SHISA6: variants seen among roughly 807,000 people sequenced by gnomAD.
The protein encoded by SHISA6 is protein shisa-6.
In SHISA6, 22 loss-of-function variants were observed where a neutral mutation model predicts 47.9. The ratio of observed to expected loss-of-function variants is 0.46; its 90% CI spans 0.33 to 0.66. The LOEUF (loss-of-function observed/expected upper bound fraction) is 0.66. SHISA6 is among the 30% of genes least tolerant of loss of function. The pLI is 0.02. For missense variants in SHISA6, 680 were observed against 764.6 expected (o/e 0.89, Z 1.30); for synonymous variants, 388 against 337.8 (o/e 1.15, Z -1.63).
chr17:11,542,948 T>A (rs140017112), intron 3 of SHISA6, among the ~76,000 whole-genome samples: 1 of 152,264 alleles, frequency 6.6e-6, no homozygotes, highest in African/African-American at 2.4e-5. Context: ...GTATGAGCAC[T>A]CTTCCTACTC....
intron 2 of SHISA6, among the ~76,000 whole-genome samples, chr17:11,322,611 TA>T (rs1321204964): frequency 6.6e-6 from 1 of 152,170 alleles, no homozygotes; most frequent in East Asian, 1.9e-4. Context: ...CCTATTTAGT[TA>T]TACTAGAATC....
chr17:11,463,171 T>C (rs771459745), intron 3 of SHISA6, among the ~76,000 whole-genome samples: 5 of 152,218 alleles, frequency 3.3e-5, no homozygotes, highest in Admixed American at 1.3e-4. Context: ...CAACAGGTCA[T>C]CTAAGCTCCG....
rs1469273228 is a variant in SHISA6, at chr17:11,500,954, G to A, written c.896-50942G>A. 1.8e-4 allele frequency among the ~76,000 whole-genome samples: 28 copies of A among 152,146 alleles called. 1 individual carries two copies. The highest frequency in any genetic ancestry group is 1.8e-3 in the Admixed American group (28 of 15,270). ...AGGACCCCATTCAGTCTTTACAAGT[G>A]CTGTAAGTGGTGTCATGAGTCCCTT... is the stretch of plus-strand genomic sequence containing the variant. On this transcript the variant is annotated intron_variant, in intron 3 of 5. Coordinates refer to ENST00000441885, the MANE Select transcript of SHISA6 (RefSeq NM_207386.4).
chr17:11,526,876 TC>T (rs2071686526), intron 3 of SHISA6, among the ~76,000 whole-genome samples: 2 of 117,302 alleles, frequency 1.7e-5, no homozygotes, highest in Non-Finnish European at 3.5e-5. Flanking sequence ...AAGCTATCTA[TC>T]ATCATATATA....
chr17:11,265,065 T>A (rs1345965399), intron 2 of SHISA6, among the ~76,000 whole-genome samples: 1 of 152,186 alleles, frequency 6.6e-6, no homozygotes, highest in Non-Finnish European at 1.5e-5. Flanking sequence ...ATAGAAGGAA[T>A]CTTGGCAAAA....
chr17:11,283,232 T>G (rs946005336), intron 2 of SHISA6, among the ~76,000 whole-genome samples: 1 of 152,376 alleles, frequency 6.6e-6, no homozygotes, highest in Non-Finnish European at 1.5e-5. Flanking sequence ...CAACTATATA[T>G]GTACATAGTT....
rs1343603041 is a variant in SHISA6 at position 11,543,911 on chromosome 17, A to T, written c.896-7985A>T. 7.1e-5 allele frequency among the ~76,000 whole-genome samples: 3 copies of T among 42,142 alleles called. No individual in the cohort carries two copies. In the African/African-American group the frequency reaches 7.6e-4, roughly 11 times the overall value. The allele number at this position is 42,142 out of a possible 152,430, so 27.6% of individuals were successfully genotyped here. On this transcript the variant is annotated intron_variant, in intron 3 of 5. Transcript: ENST00000441885. ...CTAGAGCAATTGGATATTTATAAGC[A>T]AAAAAAAAAAAAAAACAAAAAAAAG... is the stretch of plus-strand genomic sequence containing the variant.
intron 3 of SHISA6, among the ~76,000 whole-genome samples, chr17:11,542,122 G>T (rs1288902468): frequency 6.6e-6 from 1 of 152,064 alleles, no homozygotes; most frequent in East Asian, 1.9e-4. Context: ...CCCGCTGATC[G>T]GTCAGCACAG....
intron 3 of SHISA6, among the ~76,000 whole-genome samples, chr17:11,550,960 GC>G (rs2071927379): frequency 1.3e-5 from 2 of 152,224 alleles, no homozygotes; most frequent in South Asian, 4.1e-4. Context: ...AGGAAAGAAG[GC>G]TTCAGTCACA....
In SHISA6 at chr17:11,241,348, G is replaced by T; in HGVS notation, c.-75G>T. ...CGCCTCCAGCCCGGCCCGCGCGGCG[G>T]GTCCTCCGAGCCCGGCCCGCCGGGG... On this transcript the variant is annotated 5_prime_UTR_variant, in exon 1 of 6. Coordinates refer to ENST00000441885, the MANE Select transcript of SHISA6 (RefSeq NM_207386.4). The surrounding 1 kb of genome is among the most constrained non-coding windows in gnomAD (Gnocchi z 5.5). 4.3e-6 allele frequency: 4 copies of T among 923,110 alleles called. No homozygotes were observed. Among genetic ancestry groups the T allele is most frequent in the Non-Finnish European group, 5.2e-6 (4 of 770,656 alleles). The allele number at this position is 923,110 out of a possible 1,614,324, so 57.2% of individuals were successfully genotyped here.
intron 3 of SHISA6, among the ~76,000 whole-genome samples, chr17:11,409,659 G>A (rs558338510): frequency 1.1e-4 from 16 of 148,518 alleles, no homozygotes; most frequent in South Asian, 2.1e-4. Flanking sequence ...AGCCGAGATC[G>A]TGCCATCGCA....
rs1911792336 is a variant in SHISA6 at position 11,349,230 on chromosome 17, A to G, written c.800-30184A>G. On this transcript the variant is annotated intron_variant, in intron 2 of 5. Transcript: ENST00000441885. ...TTCCATTTCGCCATTGTTTCTGCCC[A>G]TCATGGATCCACAACAAAAGAGGGC... Among the ~76,000 whole-genome samples, 2 of 152,316 alleles carry G rather than the reference A, an allele frequency of 1.3e-5. 1 individual carries two copies. The highest frequency in any genetic ancestry group is 3.9e-4 in the East Asian group (2 of 5,188).
intron 2 of SHISA6, among the ~76,000 whole-genome samples, chr17:11,299,941 C>G (rs1011997289): frequency 6.6e-6 from 1 of 151,990 alleles, no homozygotes; most frequent in Non-Finnish European, 1.5e-5. Flanking sequence ...GTAAGGAGAT[C>G]AAGACCATCC....
At chr17:11,342,016 G>A (rs765966667) in intron 2 of SHISA6, among the ~76,000 whole-genome samples, 2 of 152,056 alleles carry the variant, frequency 1.3e-5, no homozygotes, top group Non-Finnish European at 2.9e-5. Context: ...AGAGGCCAAT[G>A]TGCATGGCCA....
intron 3 of SHISA6, among the ~76,000 whole-genome samples, chr17:11,519,628 G>A (rs892528305): frequency 6.6e-6 from 1 of 152,076 alleles, no homozygotes; most frequent in Non-Finnish European, 1.5e-5. Flanking sequence ...ATAAAAAATG[G>A]TTAATGTGGT....
chr17:11,415,624 A>G (rs1292232752), intron 3 of SHISA6, among the ~76,000 whole-genome samples: 1 of 152,252 alleles, frequency 6.6e-6, no homozygotes, highest in Non-Finnish European at 1.5e-5. Flanking sequence ...GGTGTAAACA[A>G]GATCTTTATT....
At chr17:11,498,597 T>C (rs377202532) in intron 3 of SHISA6, among the ~76,000 whole-genome samples, 1 of 152,326 alleles carries the variant, frequency 6.6e-6, no homozygotes, top group Admixed American at 6.5e-5. Flanking sequence ...CATTACACAT[T>C]ATGTCCATGT....
intron 3 of SHISA6, among the ~76,000 whole-genome samples, chr17:11,505,022 C>T (rs1387300385): frequency 1.3e-5 from 2 of 152,240 alleles, no homozygotes; most frequent in Admixed American, 6.5e-5. Flanking sequence ...TGAACTTCCA[C>T]ATCTCTTCTT....
At chr17:11,422,438 A>G (rs1263129329) in intron 3 of SHISA6, among the ~76,000 whole-genome samples, 2 of 152,190 alleles carry the variant, frequency 1.3e-5, no homozygotes, top group Non-Finnish European at 2.9e-5. Flanking sequence ...CAAGATTGAG[A>G]CATTCCCCCT....
Sources: allele counts gnomAD v4.1 joint callset (sites outside exome capture counted in the v4.1 genomes callset), GRCh38; gene constraint gnomAD v4.1.1; non-coding constraint Gnocchi (gnomAD v3.1); transcripts MANE v1.5; gene names NCBI Gene and HGNC (gene_info 2026-07-23, HGNC 2026-07-21).